Variants in CACNA2D3 observed in about 807,000 individuals in gnomAD.
CACNA2D3 encodes calcium voltage-gated channel auxiliary subunit alpha2delta 3.
A neutral mutation model predicts 160.6 loss-of-function variants in CACNA2D3; 60 were observed. That is an observed-to-expected ratio of 0.37 (90% CI 0.30 to 0.46). The LOEUF is 0.46. CACNA2D3 is among the 20% of genes least tolerant of loss of function. The pLI, the probability that CACNA2D3 is intolerant of heterozygous loss-of-function variation, is 1.00. For synonymous variants in CACNA2D3, 558 were observed against 492.9 expected, an observed-to-expected ratio of 1.13 and a Z score of -1.75; for missense variants, 1,205 against 1,365.0, an observed-to-expected ratio of 0.88 and a Z score of 1.85.
chr3:54,137,805 T>A (rs1339698139), intron 2 of CACNA2D3, among the ~76,000 whole-genome samples: 1 of 151,416 alleles, frequency 6.6e-6, no homozygotes, highest in Non-Finnish European at 1.5e-5. Flanking sequence ...TCTATTCTGT[T>A]CATTTTAGAA....
intron 17 of CACNA2D3, among the ~76,000 whole-genome samples, chr3:54,864,465 G>C (rs1218316790): frequency 6.6e-5 from 10 of 152,094 alleles, no homozygotes; most frequent in African/African-American, 2.4e-4. Context: ...GTAGAGATGG[G>C]TTTTTGCCAT....
intron 5 of CACNA2D3, among the ~76,000 whole-genome samples, chr3:54,507,171 C>T (rs191978918): frequency 5.1e-4 from 78 of 152,240 alleles, no homozygotes; most frequent in African/African-American, 1.4e-3. Flanking sequence ...TCTGTCCACC[C>T]GGGTGAGACC....
chr3:54,732,637 G>C (rs1701413303), intron 11 of CACNA2D3, among the ~76,000 whole-genome samples: 1 of 152,130 alleles, frequency 6.6e-6, no homozygotes, highest in African/African-American at 2.4e-5. Context: ...CCTGTGCCTT[G>C]TTGTTCTTTA....
intron 2 of CACNA2D3, among the ~76,000 whole-genome samples, chr3:54,273,964 A>G (rs1702677995): frequency 6.6e-6 from 1 of 150,716 alleles, no homozygotes; most frequent in Non-Finnish European, 1.5e-5. Flanking sequence ...AGGTTGCATC[A>G]TACTGCTAAG....
chr3:54,509,030 T>G (rs1701415399), intron 5 of CACNA2D3, among the ~76,000 whole-genome samples: 1 of 152,198 alleles, frequency 6.6e-6, no homozygotes, highest in South Asian at 2.1e-4. Flanking sequence ...TTTGGATTTG[T>G]CAGATGTCTC....
rs538979828 is a variant in CACNA2D3, at chr3:54,569,428, A to T, written c.677-367A>T. Among the ~76,000 whole-genome samples, 5 of 144,790 alleles carry T rather than the reference A, an allele frequency of 3.5e-5. No homozygotes were observed. In the South Asian group the frequency reaches 1.2e-3, roughly 35 times the overall value. 95.0% of individuals were successfully genotyped at this position (144,790 alleles called of 152,430 possible). ...GGGACGGGCCAGACTCTGCCCAGAG[A>T]TCTATGGATGATCCCCCCAGGTGCA... On this transcript the variant is annotated intron_variant, in intron 6 of 37. Coordinates refer to ENST00000474759, the MANE Select transcript of CACNA2D3 (RefSeq NM_018398.3).
chr3:54,837,550 G>T (rs1409703765), intron 15 of CACNA2D3, among the ~76,000 whole-genome samples: 1 of 152,058 alleles, frequency 6.6e-6, no homozygotes, highest in Non-Finnish European at 1.5e-5. Context: ...AGTTTCCTAG[G>T]GCTGTTAGGA....
At chr3:54,220,871 A>G (rs1701554623) in intron 2 of CACNA2D3, among the ~76,000 whole-genome samples, 2 of 152,116 alleles carry the variant, frequency 1.3e-5, no homozygotes, top group South Asian at 2.1e-4. Context: ...GGGATCATTT[A>G]TAGAGTGCGT....
intron 15 of CACNA2D3, among the ~76,000 whole-genome samples, chr3:54,837,892 G>T (rs867791297): frequency 6.6e-6 from 1 of 152,066 alleles, no homozygotes; most frequent in African/African-American, 2.4e-5. Context: ...TAACAATTAC[G>T]TATGCAAAGA....
chr3:54,829,524 G>A (rs1472432499), intron 14 of CACNA2D3, among the ~76,000 whole-genome samples: 2 of 152,148 alleles, frequency 1.3e-5, no homozygotes, highest in African/African-American at 4.8e-5. Context: ...TTTTCCAGAT[G>A]TACGTCTCCC....
chr3:54,384,206 CT>C (rs1218455423), intron 3 of CACNA2D3, among the ~76,000 whole-genome samples: 1 of 151,964 alleles, frequency 6.6e-6, no homozygotes, highest in African/African-American at 2.4e-5. Context: ...ATTTTATCAA[CT>C]TTTTTTCTCT....
At chr3:54,735,094 T>C (rs1701470013) in intron 11 of CACNA2D3, among the ~76,000 whole-genome samples, 2 of 152,224 alleles carry the variant, frequency 1.3e-5, no homozygotes, top group Admixed American at 1.3e-4. Context: ...AAAAATACTG[T>C]GTTAACCAGA....
At chr3:55,040,909 C>G (rs894416171) in intron 35 of CACNA2D3, among the ~76,000 whole-genome samples, 2 of 152,138 alleles carry the variant, frequency 1.3e-5, no homozygotes, top group South Asian at 4.1e-4. Context: ...TTCTCTCTCT[C>G]CTAATAGGTA....
chr3:54,619,563 C>A (rs753819347), intron 9 of CACNA2D3, among the ~76,000 whole-genome samples: 6 of 152,226 alleles, frequency 3.9e-5, no homozygotes, highest in African/African-American at 1.4e-4. Context: ...GTTACACACA[C>A]GTAAAGGACA....
intron 24 of CACNA2D3, among the ~76,000 whole-genome samples, chr3:54,890,445 G>T (rs946101193): frequency 1.4e-5 from 2 of 141,346 alleles, no homozygotes; most frequent in African/African-American, 5.3e-5. Flanking sequence ...GCAGTGAGCC[G>T]AGATAGCGCC....
chr3:54,821,297 A>G lies in CACNA2D3; in HGVS notation c.1398+4427A>G, dbSNP rs1921536. 5.4e-3 allele frequency among the ~76,000 whole-genome samples: 821 copies of G among 152,330 alleles called. 9 individuals are homozygous for G. The highest frequency in any genetic ancestry group is 0.018 in the African/African-American group (730 of 41,582). On this transcript the variant is annotated intron_variant, in intron 14 of 37. Transcript: ENST00000474759. ...ATTGATGCATTCAGGGCTGCGCAGT[A>G]TGGCAAAATGATCCCTGTTTAATAG...
At chr3:54,424,828 TC>T (rs1699888980) in intron 4 of CACNA2D3, among the ~76,000 whole-genome samples, 1 of 152,138 alleles carries the variant, frequency 6.6e-6, no homozygotes, top group Admixed American at 6.5e-5. Flanking sequence ...ATCCCCACTT[TC>T]CTGCATTCTC....
chr3:54,821,105 A>G (rs1365021833), intron 14 of CACNA2D3, among the ~76,000 whole-genome samples: 1 of 152,170 alleles, frequency 6.6e-6, no homozygotes, highest in East Asian at 1.9e-4. Context: ...CATCCACACA[A>G]CTTTGGAATT....
intron 4 of CACNA2D3, among the ~76,000 whole-genome samples, chr3:54,398,069 T>C (rs1699388157): frequency 3.2e-5 from 1 of 31,022 alleles, no homozygotes; most frequent in South Asian, 2.4e-3. Context: ...TACCATTATG[T>C]AATGGCCTTC....
Sources: gnomAD v4.1 joint callset for allele counts (sites outside exome capture counted in the v4.1 genomes callset) on GRCh38, gnomAD v4.1.1 for gene constraint, MANE v1.5 for transcripts, NCBI Gene and HGNC (gene_info 2026-07-23, HGNC 2026-07-21) for gene names.